Variants in SMYD3 observed in about 807,000 individuals in gnomAD.
SMYD3 encodes the protein SET and MYND domain containing 3, also known as histone-lysine N-methyltransferase SMYD3.
Under a neutral mutation model 57.7 loss-of-function variants are expected in SMYD3, and 36 were observed. The ratio of observed to expected loss-of-function variants is 0.62; its 90% CI spans 0.48 to 0.82. The LOEUF is 0.82. SMYD3 is among the 40% of genes least tolerant of loss of function. The pLI is 0.00. For missense variants in SMYD3, 515 were observed against 538.8 expected, an observed-to-expected ratio of 0.96 and a Z score of 0.44; for synonymous variants, 211 against 195.0, an observed-to-expected ratio of 1.08 and a Z score of -0.68.
intron 1 of SMYD3, among the ~76,000 whole-genome samples, chr1:246,436,984 C>T (rs2067388356): frequency 6.6e-6 from 1 of 150,856 alleles, no homozygotes; most frequent in Non-Finnish European, 1.5e-5. Context: ...ACTGCAACCT[C>T]CACCTCCCGG....
chr1:245,887,824 T>C (rs2053171765), intron 8 of SMYD3, among the ~76,000 whole-genome samples: 1 of 152,100 alleles, frequency 6.6e-6, no homozygotes, highest in Admixed American at 6.5e-5. Context: ...TGGCCTATGA[T>C]ATATGTCTCA....
chr1:245,785,664 C>T (rs546546081), intron 10 of SMYD3, among the ~76,000 whole-genome samples: 2 of 141,220 alleles, frequency 1.4e-5, no homozygotes, highest in East Asian at 2.0e-4. Context: ...AGAGAGAGTG[C>T]GTGAGAGAGT....
At chr1:246,506,978 G>GCCCCCCCCCCCCCCCCCCCC in intron 1 of SMYD3, 76 bp downstream of exon 1, 11 of 1,174,492 alleles carry the variant, frequency 9.4e-6, no homozygotes, top group Non-Finnish European at 1.0e-5. Flanking sequence ...CGCGGCTGCC[G>GCCCCCCCCCCCCCCCCCCCC]GCCGCCCGAC....
At chr1:245,848,428 T>C (rs2050780067) in intron 10 of SMYD3, among the ~76,000 whole-genome samples, 1 of 151,676 alleles carries the variant, frequency 6.6e-6, no homozygotes, top group Non-Finnish European at 1.5e-5. Context: ...GATTTTTTGT[T>C]GTTGTTAAGA....
intron 5 of SMYD3, among the ~76,000 whole-genome samples, chr1:246,285,045 A>G (rs1398074013): frequency 6.6e-6 from 1 of 150,916 alleles, no homozygotes; most frequent in African/African-American, 2.4e-5. Flanking sequence ...GTGATTTGCG[A>G]GATTTTGATG....
intron 1 of SMYD3, among the ~76,000 whole-genome samples, chr1:246,444,444 A>C (rs1182763831): frequency 6.6e-6 from 1 of 152,138 alleles, no homozygotes; most frequent in Non-Finnish European, 1.5e-5. Context: ...AGAATTCTTA[A>C]ATGGTCCCTT....
intron 1 of SMYD3, among the ~76,000 whole-genome samples, chr1:246,496,603 G>A (rs567166738): frequency 6.6e-6 from 1 of 152,238 alleles, no homozygotes; most frequent in South Asian, 2.1e-4. Context: ...CGATGCAGGT[G>A]AATTGCTTGA....
chr1:246,195,811 G>A (rs533959134), intron 5 of SMYD3, among the ~76,000 whole-genome samples: 115 of 152,238 alleles, frequency 7.6e-4, no homozygotes, highest in African/African-American at 2.0e-3. Flanking sequence ...TAGCTCAACC[G>A]GAGGTTAGGA....
intron 1 of SMYD3, among the ~76,000 whole-genome samples, chr1:246,413,298 A>G (rs2067006760): frequency 6.6e-6 from 1 of 152,140 alleles, no homozygotes; most frequent in Non-Finnish European, 1.5e-5. Context: ...CTTATATTCA[A>G]ATCCAGGAAC....
At chr1:245,848,311 A>G (rs2050771463) in intron 10 of SMYD3, among the ~76,000 whole-genome samples, 1 of 151,908 alleles carries the variant, frequency 6.6e-6, no homozygotes, top group African/African-American at 2.4e-5. Context: ...TGGTAGAGAT[A>G]GGGTTTCATC....
chr1:245,947,062 C>T (rs1327588683), intron 5 of SMYD3, among the ~76,000 whole-genome samples: 1 of 152,132 alleles, frequency 6.6e-6, no homozygotes, highest in Non-Finnish European at 1.5e-5. Context: ...GGCTGGCCTC[C>T]ACGTACTGTC....
intron 11 of SMYD3, among the ~76,000 whole-genome samples, chr1:245,761,685 G>T (rs1309337381): frequency 6.6e-6 from 1 of 151,960 alleles, no homozygotes; most frequent in African/African-American, 2.4e-5. Context: ...TATTTAACTG[G>T]ACCAGTCTAG....
intron 5 of SMYD3, among the ~76,000 whole-genome samples, chr1:246,097,731 C>T (rs1006210143): frequency 2.0e-5 from 3 of 152,092 alleles, no homozygotes; most frequent in African/African-American, 7.2e-5. Flanking sequence ...TGGATATCTA[C>T]CTGCTACCTA....
chr1:246,249,115 T>C (rs1294441623), intron 5 of SMYD3, among the ~76,000 whole-genome samples: 1 of 152,042 alleles, frequency 6.6e-6, no homozygotes, highest in Non-Finnish European at 1.5e-5. Flanking sequence ...GCTTTTTGTT[T>C]CTTCATTTGT....
chr1:245,951,627 C>T (rs1464126127), intron 5 of SMYD3, among the ~76,000 whole-genome samples: 1 of 150,280 alleles, frequency 6.7e-6, no homozygotes, highest in East Asian at 2.0e-4. Flanking sequence ...ACGAGTCTGA[C>T]TGTGCTGCTT....
At chr1:246,140,045 G>T (rs1398613778) in intron 5 of SMYD3, among the ~76,000 whole-genome samples, 2 of 152,128 alleles carry the variant, frequency 1.3e-5, no homozygotes, top group Non-Finnish European at 2.9e-5. Context: ...CATAAGAATG[G>T]ACAAATCATT....
intron 10 of SMYD3, among the ~76,000 whole-genome samples, chr1:245,799,882 C>A (rs1227658782): frequency 6.6e-6 from 1 of 152,180 alleles, no homozygotes; most frequent in African/African-American, 2.4e-5. Context: ...ATCTCCCGAC[C>A]TAGGCACACC....
At chr1:245,936,005 T>C (rs2056964977) in intron 5 of SMYD3, among the ~76,000 whole-genome samples, 1 of 152,104 alleles carries the variant, frequency 6.6e-6, no homozygotes, top group South Asian at 2.1e-4. Context: ...TATATATATT[T>C]CAAAGTTTCC....
chr1:246,067,890 GT>G (rs1226884523), intron 5 of SMYD3, among the ~76,000 whole-genome samples: 1 of 152,070 alleles, frequency 6.6e-6, no homozygotes, highest in Non-Finnish European at 1.5e-5. Flanking sequence ...ACCGCAAATA[GT>G]TCGAAAGGCC....
Sources: allele counts gnomAD v4.1 joint callset (sites outside exome capture counted in the v4.1 genomes callset), GRCh38; gene constraint gnomAD v4.1.1; transcripts MANE v1.5; gene names NCBI Gene and HGNC (gene_info 2026-07-23, HGNC 2026-07-21).